The following MGAT4C variants were observed in gnomAD, a reference collection of about 807,000 sequenced individuals.
MGAT4C encodes MGAT4 family member C.
Under a neutral mutation model 40.1 loss-of-function variants are expected in MGAT4C, and 19 were observed. That is an observed-to-expected ratio of 0.47 (90% CI 0.33 to 0.70). The LOEUF (loss-of-function observed/expected upper bound fraction) is 0.70, where lower values mean the gene tolerates loss of function less well. Among genes scored for constraint, MGAT4C ranks in the 30% least tolerant of loss-of-function variants. MGAT4C has a pLI of 0.02. For synonymous variants in MGAT4C, 181 were observed against 187.1 expected, an observed-to-expected ratio of 0.97 and a Z score of 0.27; for missense variants, 491 against 563.2, an observed-to-expected ratio of 0.87 and a Z score of 1.30.
At chr12:86,236,771 A>G (rs976577184) in intron 1 of MGAT4C, among the ~76,000 whole-genome samples, 3 of 151,988 alleles carry the variant, frequency 2.0e-5, no homozygotes, top group Non-Finnish European at 4.4e-5. Flanking sequence ...AAAAAACACA[A>G]AAGTTGATTC....
At chr12:86,356,016 G>C (rs1024499414) in intron 3 of MGAT4C, among the ~76,000 whole-genome samples, 5 of 152,076 alleles carry the variant, frequency 3.3e-5, no homozygotes, top group Non-Finnish European at 7.4e-5. Flanking sequence ...CCAGATGGTG[G>C]TAAGATATCT....
chr12:86,372,905 A>G (rs1264255724), intron 3 of MGAT4C, among the ~76,000 whole-genome samples: 1 of 151,596 alleles, frequency 6.6e-6, no homozygotes, highest in Non-Finnish European at 1.5e-5. Context: ...TAAAAGTATA[A>G]TTATATTGTT....
At position 85,961,687 on chromosome 12, in the gene MGAT4C, T is replaced by C. The variant is rs1050719272; in HGVS notation, c.*17602A>G. On this transcript the variant is annotated 3_prime_UTR_variant, in exon 5 of 5. Transcript: ENST00000611864. Reference sequence around the variant, plus strand: ...AAAATGTATCAAAACACATCTCCAATTTATTTGAATTTTTCTGGCCTAACC... The same window carrying C: ...AAAATGTATCAAAACACATCTCCAACTTATTTGAATTTTTCTGGCCTAACC... The C allele has an allele frequency of 4.6e-5, 7 of 151,812 alleles. No homozygotes were observed. The highest frequency in any genetic ancestry group is 1.7e-4 in the African/African-American group (7 of 41,424). 9.4% of individuals were successfully genotyped at this position (151,812 alleles called of 1,614,324 possible).
At chr12:86,298,050 G>A (rs1283957953) in intron 4 of MGAT4C, among the ~76,000 whole-genome samples, 1 of 152,060 alleles carries the variant, frequency 6.6e-6, no homozygotes, top group East Asian at 1.9e-4. Flanking sequence ...CACACAACTA[G>A]TAGAAGACGG....
intron 1 of MGAT4C, among the ~76,000 whole-genome samples, chr12:86,169,552 C>T (rs1886572588): frequency 6.6e-6 from 1 of 152,144 alleles, no homozygotes; most frequent in South Asian, 2.1e-4. Flanking sequence ...ACATATCCAA[C>T]AATTTATTCT....
intron 3 of MGAT4C, among the ~76,000 whole-genome samples, chr12:86,416,185 T>C (rs1016565825): frequency 6.6e-6 from 1 of 152,022 alleles, no homozygotes; most frequent in African/African-American, 2.4e-5. Context: ...GTAGACAATA[T>C]GCCAAACCTG....
intron 3 of MGAT4C, among the ~76,000 whole-genome samples, chr12:86,391,475 G>A (rs1592780956): frequency 6.6e-6 from 1 of 152,312 alleles, no homozygotes; most frequent in South Asian, 2.1e-4. Flanking sequence ...TTGATTTCTA[G>A]ATAAAATGGA....
At chr12:86,759,236 A>G (rs1593179369) in intron 1 of MGAT4C, among the ~76,000 whole-genome samples, 1 of 152,054 alleles carries the variant, frequency 6.6e-6, no homozygotes, top group Non-Finnish European at 1.5e-5. Context: ...TTTATGGCTG[A>G]ATAGTATTCC....
At chr12:86,024,034 A>T (rs1203704220) in intron 2 of MGAT4C, among the ~76,000 whole-genome samples, 1 of 151,954 alleles carries the variant, frequency 6.6e-6, no homozygotes, top group Non-Finnish European at 1.5e-5. Context: ...ATGTATACAG[A>T]GAAAGATTAA....
At chr12:86,459,699 G>GT (rs1565777134) in intron 2 of MGAT4C, among the ~76,000 whole-genome samples, 1 of 40,324 alleles carries the variant, frequency 2.5e-5, no homozygotes, top group Non-Finnish European at 4.6e-5. Context: ...TACCCGCCCC[G>GT]CCCCCCACCC....
At chr12:86,145,551 A>C (rs1883403440) in intron 1 of MGAT4C, among the ~76,000 whole-genome samples, 3 of 152,170 alleles carry the variant, frequency 2.0e-5, no homozygotes, top group African/African-American at 7.2e-5. Flanking sequence ...CATGTGCCTG[A>C]GATAATCAGG....
In MGAT4C at chr12:86,791,446, T is replaced by G. The variant is rs952692343; in HGVS notation, c.-262+47220A>C. Among the ~76,000 whole-genome samples the G allele has an allele frequency of 5.1e-4, 78 of 151,824 alleles. 3 individuals are homozygous for G. The highest frequency in any genetic ancestry group is 4.2e-3 in the Admixed American group (64 of 15,236). On this transcript the variant is annotated intron_variant, in intron 1 of 7. Coordinates refer to the MGAT4C transcript ENST00000548651. ...GCTTTAAACTGTTTTTTTTTTTTTT[T>G]TTTTTTCCTCTTAACCCACATCAGG...
chr12:86,292,673 C>T (rs1953553659), intron 4 of MGAT4C, among the ~76,000 whole-genome samples: 1 of 152,136 alleles, frequency 6.6e-6, no homozygotes, highest in Non-Finnish European at 1.5e-5. Context: ...TCCACGAAAA[C>T]TGCTGTTCCA....
intron 4 of MGAT4C, among the ~76,000 whole-genome samples, chr12:85,982,627 G>C (rs776598168): frequency 1.4e-4 from 22 of 152,078 alleles, no homozygotes; most frequent in Non-Finnish European, 2.6e-4. Flanking sequence ...TGTAAGCTAT[G>C]GTGTCTTAGA....
At chr12:86,791,097 G>A (rs979943240) in intron 1 of MGAT4C, among the ~76,000 whole-genome samples, 17 of 152,114 alleles carry the variant, frequency 1.1e-4, no homozygotes. Context: ...GGGACATGTA[G>A]GTGCTGAGAG....
chr12:86,118,565 G>A (rs1878818724), intron 1 of MGAT4C, among the ~76,000 whole-genome samples: 1 of 152,130 alleles, frequency 6.6e-6, no homozygotes, highest in African/African-American at 2.4e-5. Context: ...GAGAGAGGAT[G>A]GCCAATACCA....
chr12:86,387,098 C>G (rs140172534), intron 3 of MGAT4C, among the ~76,000 whole-genome samples: 2 of 152,222 alleles, frequency 1.3e-5, no homozygotes, highest in African/African-American at 4.8e-5. Flanking sequence ...ATTTCAGACA[C>G]TGTAATAAGT....
At chr12:86,629,853 C>G (rs534149007) in intron 2 of MGAT4C, among the ~76,000 whole-genome samples, 1 of 152,002 alleles carries the variant, frequency 6.6e-6, no homozygotes, top group African/African-American at 2.4e-5. Flanking sequence ...ACTAGAGAAG[C>G]AAGAGCAAAC....
At chr12:86,304,323 G>A (rs778990013) in intron 4 of MGAT4C, among the ~76,000 whole-genome samples, 1 of 150,462 alleles carries the variant, frequency 6.6e-6, no homozygotes, top group African/African-American at 2.5e-5. Flanking sequence ...TGTGAAACAA[G>A]TTGTTGTTAT....
Sources: gnomAD v4.1 joint callset for allele counts (sites outside exome capture counted in the v4.1 genomes callset) on GRCh38, gnomAD v4.1.1 for gene constraint, MANE v1.5 for transcripts, NCBI Gene and HGNC (gene_info 2026-07-23, HGNC 2026-07-21) for gene names.